GUCY1A2: variants seen among roughly 807,000 people sequenced by gnomAD.
GUCY1A2 encodes guanylate cyclase soluble subunit alpha-2.
GUCY1A2 carries 27 observed loss-of-function variants against 63.5 expected under a neutral mutation model. That is an observed-to-expected ratio of 0.43 (90% confidence interval 0.31 to 0.59). GUCY1A2 has a LOEUF of 0.59. Ranked by LOEUF, GUCY1A2 falls within the 20% of genes least tolerant of loss-of-function variation. GUCY1A2 has a pLI of 0.11. For missense variants in GUCY1A2, 768 were observed against 913.3 expected (o/e 0.84, Z 2.05); for synonymous variants, 364 against 343.5 (o/e 1.06, Z -0.66).
At chr11:106,922,793 G>A (rs1355834520) in intron 4 of GUCY1A2, among the ~76,000 whole-genome samples, 1 of 149,668 alleles carries the variant, frequency 6.7e-6, no homozygotes, top group Admixed American at 6.7e-5. Flanking sequence ...ATTCCTTTAG[G>A]ACTGGAAATC....
At chr11:106,706,405 G>A (rs2135347392) in intron 7 of GUCY1A2, among the ~76,000 whole-genome samples, 1 of 152,238 alleles carries the variant, frequency 6.6e-6, no homozygotes, top group African/African-American at 2.4e-5. Flanking sequence ...TAACACAACA[G>A]TAAGCTTCAG....
intron 3 of GUCY1A2, among the ~76,000 whole-genome samples, chr11:106,977,394 G>T (rs1443587275): frequency 1.3e-5 from 2 of 152,116 alleles, no homozygotes; most frequent in Non-Finnish European, 2.9e-5. Context: ...TAAGATTAAG[G>T]TGATGAATCT....
chr11:106,759,072 G>C (rs1380924917), intron 6 of GUCY1A2, among the ~76,000 whole-genome samples: 3 of 151,542 alleles, frequency 2.0e-5, no homozygotes, highest in Non-Finnish European at 4.4e-5. Flanking sequence ...TAGATGATGG[G>C]ATCATTTGTA....
chr11:106,838,694 C>T (rs1417144385), intron 4 of GUCY1A2, among the ~76,000 whole-genome samples: 1 of 151,956 alleles, frequency 6.6e-6, no homozygotes, highest in Non-Finnish European at 1.5e-5. Flanking sequence ...GAGATCATAT[C>T]TCATTGTGGT....
chr11:106,798,498 C>T (rs1864809663), intron 5 of GUCY1A2, among the ~76,000 whole-genome samples: 1 of 151,866 alleles, frequency 6.6e-6, no homozygotes. Flanking sequence ...TGATGAACAT[C>T]AATGCAAAAA....
intron 5 of GUCY1A2, among the ~76,000 whole-genome samples, chr11:106,790,890 T>C (rs1160906665): frequency 6.6e-6 from 1 of 152,228 alleles, no homozygotes; most frequent in East Asian, 1.9e-4. Context: ...TTTCCCTCTC[T>C]TCTCCTTAAG....
chr11:106,894,707 T>C (rs1860021890), intron 4 of GUCY1A2, among the ~76,000 whole-genome samples: 1 of 152,110 alleles, frequency 6.6e-6, no homozygotes, highest in African/African-American at 2.4e-5. Context: ...TATAAAAATA[T>C]TTTTGACTAA....
intron 7 of GUCY1A2, among the ~76,000 whole-genome samples, chr11:106,704,863 C>A (rs959910499): frequency 2.0e-5 from 3 of 149,976 alleles, no homozygotes; most frequent in Non-Finnish European, 4.4e-5. Context: ...ATATTATATG[C>A]AGTAAAGTAA....
intron 3 of GUCY1A2, among the ~76,000 whole-genome samples, chr11:106,940,594 C>T (rs1860740029): frequency 6.6e-6 from 1 of 152,066 alleles, no homozygotes; most frequent in Non-Finnish European, 1.5e-5. Context: ...TTATTATCAT[C>T]CAAATTCCAT....
At chr11:106,700,924 T>C (rs1862807152) in intron 7 of GUCY1A2, among the ~76,000 whole-genome samples, 1 of 152,134 alleles carries the variant, frequency 6.6e-6, no homozygotes, top group Non-Finnish European at 1.5e-5. Flanking sequence ...TATCTCATCC[T>C]TGTATAATAA....
At position 107,007,199 on chromosome 11, in the gene GUCY1A2, G is replaced by A. The variant is rs148977670; in HGVS notation, c.303+10554C>T. Among the ~76,000 whole-genome samples, 44 of 152,272 alleles carry A rather than the reference G, an allele frequency of 2.9e-4. 1 individual carries two copies. The East Asian group carries it at 4.4e-3, about 15-fold the overall frequency. On this transcript the variant is annotated intron_variant, in intron 1 of 7. Coordinates refer to ENST00000526355, the MANE Select transcript of GUCY1A2 (RefSeq NM_000855.3). Reference sequence around the variant, plus strand: ...TTAGTCCTAACTTTGAAAGCATGATGTAAATACTAATCAAGCAATTAATTA... The same window carrying A: ...TTAGTCCTAACTTTGAAAGCATGATATAAATACTAATCAAGCAATTAATTA...
At chr11:106,938,670 G>T (rs1344544821) in intron 4 of GUCY1A2, among the ~76,000 whole-genome samples, 1 of 151,892 alleles carries the variant, frequency 6.6e-6, no homozygotes, top group African/African-American at 2.4e-5. Context: ...AAAAATCATG[G>T]TTTATTTTTC....
At chr11:106,693,530 T>C (rs1466487393) in intron 7 of GUCY1A2, among the ~76,000 whole-genome samples, 1 of 152,174 alleles carries the variant, frequency 6.6e-6, no homozygotes, top group Non-Finnish European at 1.5e-5. Context: ...AAACTATGTC[T>C]TTCAGTTCTA....
At chr11:107,009,476 C>T (rs928860663) in intron 1 of GUCY1A2, among the ~76,000 whole-genome samples, 1 of 152,010 alleles carries the variant, frequency 6.6e-6, no homozygotes, top group Non-Finnish European at 1.5e-5. Context: ...TTCTACAATC[C>T]CCAACCTTTT....
chr11:106,839,899 A>T (rs1278310835), intron 4 of GUCY1A2, among the ~76,000 whole-genome samples: 1 of 150,870 alleles, frequency 6.6e-6, no homozygotes, highest in Non-Finnish European at 1.5e-5. Flanking sequence ...TAGGAGATAT[A>T]CCTAGTGTAA....
intron 4 of GUCY1A2, among the ~76,000 whole-genome samples, chr11:106,903,806 A>G (rs998007813): frequency 6.6e-6 from 1 of 152,186 alleles, no homozygotes; most frequent in African/African-American, 2.4e-5. Context: ...AAAATTGTCT[A>G]CAACTGCTTG....
intron 7 of GUCY1A2, among the ~76,000 whole-genome samples, chr11:106,692,389 T>C (rs1862640628): frequency 3.3e-5 from 5 of 152,140 alleles, no homozygotes; most frequent in Admixed American, 3.3e-4. Flanking sequence ...AAAAATCCAC[T>C]GCTGCTTTGG....
rs567097128 is a variant in GUCY1A2 at position 106,706,374 on chromosome 11, G to A, written c.1991+2138C>T. Among the ~76,000 whole-genome samples the A allele has an allele frequency of 2.5e-3, 382 of 152,142 alleles. 1 individual carries two copies. The highest frequency in any genetic ancestry group is 8.8e-3 in the African/African-American group (366 of 41,514). ...GGCTCTGTTTGATTTTGGGGGGCCT[G>A]GGGGTGAAGGTGCAGAACAATAACA... On this transcript the variant is annotated intron_variant, in intron 7 of 7. Transcript: ENST00000526355.
intron 6 of GUCY1A2, among the ~76,000 whole-genome samples, chr11:106,736,515 G>T (rs975221282): frequency 5.3e-5 from 8 of 152,010 alleles, no homozygotes; most frequent in Non-Finnish European, 8.8e-5. Context: ...CCAGTACCAT[G>T]CTGTTTTGGT....
Sources: allele counts gnomAD v4.1 joint callset (sites outside exome capture counted in the v4.1 genomes callset), GRCh38; gene constraint gnomAD v4.1.1; transcripts MANE v1.5; gene names NCBI Gene and HGNC (gene_info 2026-07-23, HGNC 2026-07-21).